GABRG3: variants seen among roughly 807,000 people sequenced by gnomAD.
GABRG3 encodes the protein gamma-aminobutyric acid receptor subunit gamma-3.
GABRG3 carries 25 observed loss-of-function variants against 48.8 expected under a neutral mutation model. That is an observed-to-expected ratio of 0.51 (90% CI 0.37 to 0.72). The LOEUF (loss-of-function observed/expected upper bound fraction) is 0.72, where lower values mean the gene tolerates loss of function less well. GABRG3 is among the 30% of genes least tolerant of loss of function. The pLI, the probability that GABRG3 is intolerant of heterozygous loss-of-function variation, is 0.00. For missense variants in GABRG3, 394 were observed against 577.9 expected (o/e 0.68, Z 3.26); for synonymous variants, 227 against 217.6 (o/e 1.04, Z -0.38).
intron 3 of GABRG3, among the ~76,000 whole-genome samples, chr15:27,108,059 A>G (rs1897482148): frequency 6.6e-6 from 1 of 150,858 alleles, no homozygotes; most frequent in South Asian, 2.1e-4. Context: ...TTTCAGTTCC[A>G]TTGTTTTATA....
chr15:27,499,068 G>A (rs961143937), intron 6 of GABRG3, among the ~76,000 whole-genome samples: 2 of 152,148 alleles, frequency 1.3e-5, no homozygotes, highest in African/African-American at 2.4e-5. Flanking sequence ...TTGCAGTGGT[G>A]CTAAGGGCGG....
chr15:27,006,845 T>A (rs1895594670), intron 2 of GABRG3, among the ~76,000 whole-genome samples: 1 of 129,962 alleles, frequency 7.7e-6, no homozygotes, highest in Non-Finnish European at 1.7e-5. Context: ...TTTGTTTTTT[T>A]TTTCTTTTTT....
At chr15:27,526,044 T>C (rs2150864344) in intron 7 of GABRG3, among the ~76,000 whole-genome samples, 1 of 152,350 alleles carries the variant, frequency 6.6e-6, no homozygotes, top group South Asian at 2.1e-4. Context: ...ATAGCGTTTT[T>C]ACATGAAATT....
At chr15:27,423,242 TAAAA>T (rs58007397) in intron 5 of GABRG3, among the ~76,000 whole-genome samples, 39 of 74,752 alleles carry the variant, frequency 5.2e-4, no homozygotes, top group Middle Eastern at 9.6e-3. Context: ...GTCATTATGA[TAAAA>T]AAAAAAAAAA....
At chr15:27,500,082 C>T (rs10852211) in intron 6 of GABRG3, among the ~76,000 whole-genome samples, 105,806 of 152,048 alleles carry the variant, frequency 0.7, 36,987 homozygotes, top group East Asian at 0.77. Flanking sequence ...TTTCTCTCTG[C>T]GTGGGGAGTG....
chr15:27,181,816 T>A (rs1321781054), intron 3 of GABRG3, among the ~76,000 whole-genome samples: 2 of 152,110 alleles, frequency 1.3e-5, no homozygotes, highest in African/African-American at 2.4e-5. Context: ...ATAGCTAAGA[T>A]GTTTCTGGGC....
chr15:27,165,593 C>A (rs1314899049), intron 3 of GABRG3, among the ~76,000 whole-genome samples: 1 of 152,032 alleles, frequency 6.6e-6, no homozygotes, highest in Admixed American at 6.6e-5. Context: ...CCAAGTGCAT[C>A]ATTTCTGCTT....
chr15:27,190,853 C>G (rs1002228853), intron 3 of GABRG3, among the ~76,000 whole-genome samples: 2 of 151,896 alleles, frequency 1.3e-5, no homozygotes, highest in African/African-American at 4.8e-5. Flanking sequence ...TGCTTTCTCT[C>G]GTGGGCATTT....
chr15:27,096,066 A>T (rs960257281), intron 3 of GABRG3, among the ~76,000 whole-genome samples: 2 of 152,156 alleles, frequency 1.3e-5, no homozygotes, highest in Non-Finnish European at 2.9e-5. Flanking sequence ...AATTCATCAC[A>T]TACGGTTCCC....
chr15:27,027,808 G>A (rs888589371), intron 3 of GABRG3, among the ~76,000 whole-genome samples: 1 of 152,172 alleles, frequency 6.6e-6, no homozygotes, highest in African/African-American at 2.4e-5. Context: ...AGTTGTGAGT[G>A]TAATATTCCC....
intron 3 of GABRG3, among the ~76,000 whole-genome samples, chr15:27,174,097 A>G (rs1047798586): frequency 2.6e-5 from 4 of 152,034 alleles, no homozygotes; most frequent in Non-Finnish European, 5.9e-5. Context: ...TACGGACTTA[A>G]AAAAAAACGA....
At chr15:27,375,269 G>A (rs1895557188) in intron 5 of GABRG3, among the ~76,000 whole-genome samples, 1 of 152,152 alleles carries the variant, frequency 6.6e-6, no homozygotes, top group East Asian at 1.9e-4. Context: ...GTGGGGCCTG[G>A]CCTTTAGGCA....
At chr15:27,197,506 G>A (rs1888533858) in intron 3 of GABRG3, among the ~76,000 whole-genome samples, 2 of 151,240 alleles carry the variant, frequency 1.3e-5, no homozygotes, top group South Asian at 4.2e-4. Context: ...CCATGTGAAT[G>A]AGAGAGCCAC....
intron 3 of GABRG3, among the ~76,000 whole-genome samples, chr15:27,283,468 A>C (rs1891505256): frequency 1.3e-5 from 2 of 152,218 alleles, no homozygotes; most frequent in African/African-American, 4.8e-5. Context: ...GCCAGGCTTG[A>C]TGGTGTGTGC....
intron 6 of GABRG3, chr15:27,481,276 T>C: frequency 1.1e-6 from 1 of 936,722 alleles, no homozygotes; most frequent in Middle Eastern, 5.5e-4. Context: ...TTTTATGAAG[T>C]GATCATTATA....
At chr15:27,140,905 C>T (rs922868086) in intron 3 of GABRG3, among the ~76,000 whole-genome samples, 4 of 152,162 alleles carry the variant, frequency 2.6e-5, no homozygotes, top group East Asian at 1.9e-4. Flanking sequence ...GGACTGAAAA[C>T]GGTTAAAATG....
chr15:27,167,459 T>C (rs933657749), intron 3 of GABRG3, among the ~76,000 whole-genome samples: 1 of 152,220 alleles, frequency 6.6e-6, no homozygotes, highest in Non-Finnish European at 1.5e-5. Context: ...AGCTTAGCTG[T>C]GCTCACTGTC....
intron 3 of GABRG3, among the ~76,000 whole-genome samples, chr15:27,260,347 A>C (rs1432077714): frequency 1.3e-5 from 2 of 152,142 alleles, no homozygotes; most frequent in African/African-American, 4.8e-5. Flanking sequence ...TTACTACCTC[A>C]TTTAACCTTA....
At chr15:27,097,767 A>G (rs1041604661) in intron 3 of GABRG3, among the ~76,000 whole-genome samples, 19 of 152,120 alleles carry the variant, frequency 1.2e-4, no homozygotes, top group African/African-American at 4.3e-4. Context: ...AACAGCCTGA[A>G]TATTCAGGAA....
Sources: gnomAD v4.1 joint callset for allele counts (sites outside exome capture counted in the v4.1 genomes callset) on GRCh38, gnomAD v4.1.1 for gene constraint, MANE v1.5 for transcripts, NCBI Gene and HGNC (gene_info 2026-07-23, HGNC 2026-07-21) for gene names.